Variants in PTPRN2 observed in about 807,000 individuals in gnomAD.
PTPRN2 encodes receptor-type tyrosine-protein phosphatase N2.
Under a neutral mutation model 118.8 loss-of-function variants are expected in PTPRN2, and 74 were observed. The ratio of observed to expected loss-of-function variants is 0.62; its 90% CI spans 0.52 to 0.76. PTPRN2 has a LOEUF of 0.76. Ranked by LOEUF, PTPRN2 falls within the 30% of genes least tolerant of loss-of-function variation. The pLI is 0.00. For missense variants in PTPRN2, 1,481 were observed against 1,394.4 expected, an observed-to-expected ratio of 1.06 and a Z score of -0.99; for synonymous variants, 641 against 608.0, an observed-to-expected ratio of 1.05 and a Z score of -0.80.
chr7:157,952,764 A>T (rs1225247831), intron 11 of PTPRN2, among the ~76,000 whole-genome samples: 1 of 152,164 alleles, frequency 6.6e-6, no homozygotes, highest in African/African-American at 2.4e-5. Context: ...GCCAGGGGAC[A>T]GGAACCCCAG....
In PTPRN2 at chr7:158,071,590, AGGTGCTCCTGGTGGAGGTGCTCG is replaced by A. The variant is rs1563392245; in HGVS notation, c.1723+9685_1723+9707del. 5.2e-4 allele frequency among the ~76,000 whole-genome samples: 20 copies of A among 38,782 alleles called. No individual in the cohort carries two copies. In the East Asian group the frequency reaches 0.014, roughly 28 times the overall value. 25.4% of individuals were successfully genotyped at this position (38,782 alleles called of 152,430 possible). On this transcript the variant is annotated intron_variant, in intron 11 of 22. Coordinates refer to ENST00000389418, the MANE Select transcript of PTPRN2 (RefSeq NM_002847.5). Reference sequence around the variant, plus strand: ...CTCCTGGTGGAGGTGCTCCTGGTGGAGGTGCTCCTGGTGGAGGTGCTCGTGGTGGAGGTGCTCGTGGTGGTGGA... The same window carrying A: ...CTCCTGGTGGAGGTGCTCCTGGTGGATGGTGGAGGTGCTCGTGGTGGTGGA...
At chr7:157,685,419 C>A (rs1450661644) in intron 12 of PTPRN2, among the ~76,000 whole-genome samples, 1 of 152,086 alleles carries the variant, frequency 6.6e-6, no homozygotes, top group African/African-American at 2.4e-5. Context: ...TGTGGCGGAC[C>A]CGGCAGTGGC....
At chr7:158,225,335 C>T (rs1379118512) in intron 3 of PTPRN2, among the ~76,000 whole-genome samples, 1 of 152,076 alleles carries the variant, frequency 6.6e-6, no homozygotes, top group African/African-American at 2.4e-5. Context: ...AGTCCCTCAG[C>T]AGGTGGATGG....
At chr7:158,352,993 T>G (rs1808124067) in intron 2 of PTPRN2, among the ~76,000 whole-genome samples, 1 of 152,268 alleles carries the variant, frequency 6.6e-6, no homozygotes, top group African/African-American at 2.4e-5. Context: ...TCGCTCCTAT[T>G]CCGGGTCTCC....
chr7:158,316,341 C>T (rs1802320645), intron 3 of PTPRN2, among the ~76,000 whole-genome samples: 1 of 152,318 alleles, frequency 6.6e-6, no homozygotes, highest in Admixed American at 6.5e-5. Flanking sequence ...TGGGCCGGTG[C>T]TGTGGGAATT....
intron 2 of PTPRN2, among the ~76,000 whole-genome samples, chr7:158,325,551 T>C (rs544960680): frequency 9.2e-5 from 14 of 152,186 alleles, no homozygotes; most frequent in African/African-American, 1.2e-4. Context: ...AGGTAAATGG[T>C]ATGCACGTGA....
rs554355912 is a variant in PTPRN2, at chr7:158,204,707, G to A, written c.380+464C>T. Among the ~76,000 whole-genome samples the A allele has an allele frequency of 3.1e-4, 47 of 152,126 alleles. No homozygotes were observed. The South Asian group carries it at 9.8e-3, about 32-fold the overall frequency. ...ATGGTATGTATGACATTACCACATC[G>A]TTTGTATGACATTAGTAATTACCAC... On this transcript the variant is annotated intron_variant, in intron 4 of 22. Coordinates refer to ENST00000389418, the MANE Select transcript of PTPRN2 (RefSeq NM_002847.5).
intron 21 of PTPRN2, among the ~76,000 whole-genome samples, chr7:157,562,743 C>T (rs1161989303): frequency 5.5e-5 from 8 of 144,758 alleles, no homozygotes; most frequent in Non-Finnish European, 1.1e-4. Context: ...ATCAGGACCA[C>T]GTGCTCCCGC....
intron 11 of PTPRN2, among the ~76,000 whole-genome samples, chr7:158,017,393 G>GGGA (rs1282058775): frequency 1.3e-5 from 2 of 151,744 alleles, no homozygotes; most frequent in Non-Finnish European, 2.9e-5. Context: ...CCCAGGAGCA[G>GGGA]GGAGAAGGGT....
chr7:157,608,945 A>G (rs945136084), intron 15 of PTPRN2, among the ~76,000 whole-genome samples: 3 of 152,222 alleles, frequency 2.0e-5, no homozygotes, highest in African/African-American at 7.2e-5. Context: ...ATTTACTGAG[A>G]GGCCAGGAAA....
chr7:158,089,960 C>G (rs183215758), intron 10 of PTPRN2, among the ~76,000 whole-genome samples: 1 of 27,378 alleles, frequency 3.7e-5, no homozygotes, highest in African/African-American at 7.6e-5. Flanking sequence ...CCTCCCCTGA[C>G]GAAAGAGGGA....
At chr7:157,572,899 TTTG>T (rs928538720) in intron 19 of PTPRN2, among the ~76,000 whole-genome samples, 12 of 152,254 alleles carry the variant, frequency 7.9e-5, no homozygotes, top group African/African-American at 2.4e-4. Flanking sequence ...GTTAGAGGTG[TTTG>T]TTGTTGTTTT....
chr7:158,425,819 CG>C (rs1563279619), intron 2 of PTPRN2, among the ~76,000 whole-genome samples: 18 of 110,948 alleles, frequency 1.6e-4, no homozygotes, highest in Non-Finnish European at 2.2e-4. Flanking sequence ...ACGCGGGGTC[CG>C]AGACCAGCCT....
chr7:158,291,408 G>A (rs1365534100), intron 3 of PTPRN2, among the ~76,000 whole-genome samples: 1 of 152,148 alleles, frequency 6.6e-6, no homozygotes, highest in Non-Finnish European at 1.5e-5. Context: ...ATCATTTATT[G>A]GAATTTATAT....
chr7:157,877,956 T>C (rs1481289160), intron 12 of PTPRN2, among the ~76,000 whole-genome samples: 1 of 152,210 alleles, frequency 6.6e-6, no homozygotes, highest in African/African-American at 2.4e-5. Context: ...CTCTGTAACA[T>C]AATTAACAGC....
chr7:158,175,040 A>G (rs979855553), intron 5 of PTPRN2, among the ~76,000 whole-genome samples: 1 of 152,176 alleles, frequency 6.6e-6, no homozygotes, highest in Non-Finnish European at 1.5e-5. Context: ...GGAGTCCCAC[A>G]TGCCGGGAGA....
At position 158,502,861 on chromosome 7, in the gene PTPRN2, CACTGTGTCCATCAACT is replaced by C. The variant is rs1294690468; in HGVS notation, c.113-13092_113-13077del. Among the ~76,000 whole-genome samples, 164 of 139,964 alleles carry C rather than the reference CACTGTGTCCATCAACT, an allele frequency of 1.2e-3. 5 individuals carry two copies. The highest frequency in any genetic ancestry group is 2.1e-3 in the Non-Finnish European group (135 of 65,192). 91.8% of individuals were successfully genotyped at this position (139,964 alleles called of 152,430 possible). On this transcript the variant is annotated intron_variant, in intron 1 of 22. Coordinates refer to ENST00000389418, the MANE Select transcript of PTPRN2 (RefSeq NM_002847.5). ...TCCATCAGCCACTGTGTCCATCAGCCACTGTGTCCATCAACTACTGTGTCCATCAGCCACTGTGTCC... is the reference window on the plus strand; with the variant it reads ...TCCATCAGCCACTGTGTCCATCAGCCACTGTGTCCATCAGCCACTGTGTCC...
intron 2 of PTPRN2, among the ~76,000 whole-genome samples, chr7:158,365,673 C>T (rs961555442): frequency 1.5e-5 from 2 of 130,364 alleles, no homozygotes; most frequent in Admixed American, 1.5e-4. Flanking sequence ...ACACAGCATC[C>T]CTGGGAGAAG....
At chr7:158,198,972 G>C (rs1212028831) in intron 4 of PTPRN2, among the ~76,000 whole-genome samples, 2 of 150,064 alleles carry the variant, frequency 1.3e-5, no homozygotes, top group Non-Finnish European at 3.0e-5. Context: ...CCCTTAGCAT[G>C]TTCTTCTCAG....
Sources: gnomAD v4.1 joint callset for allele counts (sites outside exome capture counted in the v4.1 genomes callset) on GRCh38, gnomAD v4.1.1 for gene constraint, MANE v1.5 for transcripts, NCBI Gene and HGNC (gene_info 2026-07-23, HGNC 2026-07-21) for gene names.